NRG2: variants seen among roughly 807,000 people sequenced by gnomAD.
NRG2 encodes the protein neuregulin 2.
A neutral mutation model predicts 73.9 loss-of-function variants in NRG2; 27 were observed. The ratio of observed to expected loss-of-function variants is 0.37; its 90% CI spans 0.27 to 0.50. The LOEUF (loss-of-function observed/expected upper bound fraction) is 0.50. Among genes scored for constraint, NRG2 ranks in the 20% least tolerant of loss-of-function variants. The pLI is 0.96. For missense variants in NRG2, 1,126 were observed against 1,210.1 expected, an observed-to-expected ratio of 0.93 and a Z score of 1.03; for synonymous variants, 532 against 541.0, an observed-to-expected ratio of 0.98 and a Z score of 0.23.
intron 1 of NRG2, among the ~76,000 whole-genome samples, chr5:140,038,798 G>T (rs988671344): frequency 2.6e-5 from 4 of 152,186 alleles, no homozygotes; most frequent in Admixed American, 2.6e-4. Context: ...TGACATTAGG[G>T]TGGTAATTCA....
rs745756335 is a variant in NRG2 at position 140,042,964 on chromosome 5, T to C, written c.106A>G (p.Ser36Gly). ...CCGCTCTCGCTGCTGCTGCTGCTGCTGCTGCTGCTCCTCTCGCTGCTGCTG... is the reference window on the plus strand; with the variant it reads ...CCGCTCTCGCTGCTGCTGCTGCTGCCGCTGCTGCTCCTCTCGCTGCTGCTG... ...SSSSSERSSSSSSSSSESGSS... is the reference protein window; with the variant it reads ...SSSSSERSSSGSSSSSESGSS... The change falls in exon 1 of 10, where the codon AGC (serine) becomes GGC (glycine). Residue 36 changes from serine (S) to glycine (G), a missense_variant. By Grantham distance (56) the Ser-to-Gly change is moderately conservative. This residue lies in a region of NRG2 where 185 missense variants were observed against 149.0 expected (regional missense o/e 1.24). Transcript: ENST00000361474. 6.5e-7 allele frequency: 1 copy of C among 1,540,454 alleles called. No homozygotes were observed. Among genetic ancestry groups the C allele is most frequent in the Non-Finnish European group, 8.8e-7 (1 of 1,142,530 alleles).
chr5:140,035,907 T>C (rs1761469324), intron 1 of NRG2, among the ~76,000 whole-genome samples: 1 of 152,100 alleles, frequency 6.6e-6, no homozygotes, highest in South Asian at 2.1e-4. Context: ...AATCTGATCA[T>C]CACATCTTGG....
rs150923738 is a variant in NRG2 at position 140,006,307 on chromosome 5, T to G, written c.700+36063A>C. ...AGCCTGAGCTATCAAAGAAAGCTTTTAAGTACAGATTGCCCCAATTTGGCT... is the reference window on the plus strand; with the variant it reads ...AGCCTGAGCTATCAAAGAAAGCTTTGAAGTACAGATTGCCCCAATTTGGCT... On this transcript the variant is annotated intron_variant, in intron 1 of 9. Coordinates refer to ENST00000361474, the MANE Select transcript of NRG2 (RefSeq NM_004883.3). 1.4e-4 allele frequency among the ~76,000 whole-genome samples: 22 copies of G among 152,314 alleles called. No individual in the cohort carries two copies. The East Asian group carries it at 4.2e-3, about 29-fold the overall frequency.
intron 1 of NRG2, among the ~76,000 whole-genome samples, chr5:139,993,277 G>A (rs1757775455): frequency 1.3e-5 from 2 of 152,008 alleles, no homozygotes; most frequent in South Asian, 2.1e-4. Context: ...GGGCTATGAG[G>A]CCCACAAGAG....
intron 1 of NRG2, among the ~76,000 whole-genome samples, chr5:140,032,215 C>T (rs944070989): frequency 2.0e-5 from 3 of 152,000 alleles, no homozygotes; most frequent in African/African-American, 4.8e-5. Context: ...CAGTGAGAGA[C>T]CAGAATAAGG....
chr5:140,034,729 GAAT>G (rs1446748152), intron 1 of NRG2, among the ~76,000 whole-genome samples: 11 of 151,882 alleles, frequency 7.2e-5, no homozygotes, highest in African/African-American at 2.7e-4. Flanking sequence ...GAAATTAAAT[GAAT>G]AATACCATTT....
intron 1 of NRG2, among the ~76,000 whole-genome samples, chr5:139,891,469 C>T (rs1219275818): frequency 6.6e-6 from 1 of 152,222 alleles, no homozygotes; most frequent in African/African-American, 2.4e-5. Context: ...CAGAACAACC[C>T]TATCTAGTTC....
At chr5:139,866,650 C>T (rs913274116) in intron 4 of NRG2, among the ~76,000 whole-genome samples, 10 of 152,150 alleles carry the variant, frequency 6.6e-5, no homozygotes, top group African/African-American at 2.2e-4. Context: ...TTCCATTTCC[C>T]CATGACCTGT....
chr5:139,968,966 C>T (rs1402854008), intron 1 of NRG2, among the ~76,000 whole-genome samples: 2 of 152,238 alleles, frequency 1.3e-5, no homozygotes, highest in African/African-American at 2.4e-5. Flanking sequence ...CGCGGGTCCG[C>T]GTTCAGGCAG....
At chr5:139,948,946 A>T (rs73791251) in intron 1 of NRG2, among the ~76,000 whole-genome samples, 1,953 of 152,184 alleles carry the variant, frequency 0.013, 32 homozygotes, top group African/African-American at 0.044. Context: ...CTCCGCAGCC[A>T]CAGGCAGCCA....
In NRG2 at chr5:139,847,662, TTC is replaced by T; in HGVS notation, c.*253_*254del. Reference sequence around the variant, plus strand: ...CCCATCTCTCTTTTTTTTTTGTTGTTTCTTTTTTTTTTCCGAAGCTGTAAATC... The same window carrying T: ...CCCATCTCTCTTTTTTTTTTGTTGTTTTTTTTTTTTCCGAAGCTGTAAATC... On this transcript the variant is annotated 3_prime_UTR_variant, in exon 10 of 10. Coordinates refer to ENST00000361474, the MANE Select transcript of NRG2 (RefSeq NM_004883.3). The T allele has an allele frequency of 3.0e-6, 1 of 330,480 alleles. No homozygotes were observed. Among genetic ancestry groups the T allele is most frequent in the Non-Finnish European group, 5.4e-6 (1 of 185,666 alleles). The allele number at this position is 330,480 out of a possible 1,614,324, so 20.5% of individuals were successfully genotyped here. A position where few individuals can be genotyped will look rare whatever the true frequency, so the allele number is the denominator to read the frequency against.
At chr5:139,882,135 G>A (rs561092029) in intron 2 of NRG2, among the ~76,000 whole-genome samples, 6 of 152,212 alleles carry the variant, frequency 3.9e-5, no homozygotes, top group Non-Finnish European at 8.8e-5. Context: ...GGGCTGGAGA[G>A]ATGGGGGAAT....
chr5:140,004,498 AC>A (rs960333806), intron 1 of NRG2, among the ~76,000 whole-genome samples: 2 of 152,240 alleles, frequency 1.3e-5, no homozygotes, highest in African/African-American at 2.4e-5. Context: ...GGTTATTGTC[AC>A]CAGTAAGATG....
At chr5:139,905,251 G>T (rs1765156551) in intron 1 of NRG2, among the ~76,000 whole-genome samples, 1 of 152,218 alleles carries the variant, frequency 6.6e-6, no homozygotes, top group African/African-American at 2.4e-5. Context: ...ATTGGGTAGG[G>T]GCTGCTGGAG....
chr5:139,895,441 C>A (rs1260656415), intron 1 of NRG2, among the ~76,000 whole-genome samples: 1 of 152,174 alleles, frequency 6.6e-6, no homozygotes, highest in African/African-American at 2.4e-5. Context: ...CATAGGGATA[C>A]CCAGTACAGA....
intron 1 of NRG2, among the ~76,000 whole-genome samples, chr5:139,943,540 G>A (rs963382764): frequency 1.3e-5 from 2 of 152,086 alleles, no homozygotes; most frequent in African/African-American, 4.8e-5. Context: ...CTGTGAGCTG[G>A]GAATATTGTG....
At chr5:139,983,766 G>T (rs370840278) in intron 1 of NRG2, among the ~76,000 whole-genome samples, 14 of 152,124 alleles carry the variant, frequency 9.2e-5, no homozygotes, top group African/African-American at 3.1e-4. Context: ...AAGATATATA[G>T]GGTATTGACT....
intron 1 of NRG2, among the ~76,000 whole-genome samples, chr5:139,990,421 T>G (rs956960037): frequency 6.6e-6 from 1 of 152,118 alleles, no homozygotes; most frequent in African/African-American, 2.4e-5. Context: ...TTCTCCCACC[T>G]CAGCCTCCCA....
Position 139,853,811 on chromosome 5 carries a change from C to G in NRG2, c.1293-784G>C, listed in dbSNP as rs573221946. ...GGTTGGGAGGGAGGTGGGGATGGTT[C>G]ATGGGTACAAAAACTAGTTAGAAGG... On this transcript the variant is annotated intron_variant, in intron 6 of 9. Transcript: ENST00000361474. This position sits in a 1 kb window ranked among gnomAD's most constrained non-coding sequence, Gnocchi z 4.1. Among the ~76,000 whole-genome samples, 2 of 152,176 alleles carry G rather than the reference C, an allele frequency of 1.3e-5. No individual in the cohort carries two copies. Among genetic ancestry groups the G allele is most frequent in the East Asian group, 1.9e-4 (1 of 5,186 alleles).
Sources: gnomAD v4.1 joint callset for allele counts (sites outside exome capture counted in the v4.1 genomes callset) on GRCh38, gnomAD v4.1.1 for gene constraint, gnomAD v4.1.1 regional missense constraint, Gnocchi (gnomAD v3.1) non-coding constraint, MANE v1.5 for transcripts, NCBI Gene and HGNC (gene_info 2026-07-23, HGNC 2026-07-21) for gene names.